The following SCEL variants were observed in gnomAD, a reference collection of about 807,000 sequenced individuals.
The protein encoded by SCEL is sciellin.
A neutral mutation model predicts 117.6 loss-of-function variants in SCEL; 113 were observed. The ratio of observed to expected loss-of-function variants is 0.96; its 90% CI spans 0.83 to 1.12. The LOEUF is 1.12. Ranked by LOEUF, SCEL falls within the 50% of genes most tolerant of loss-of-function variation. The pLI, the probability that SCEL is intolerant of heterozygous loss-of-function variation, is 0.00. For synonymous variants in SCEL, 270 were observed against 256.2 expected (o/e 1.05, Z -0.51); for missense variants, 785 against 810.8 (o/e 0.97, Z 0.39).
chr13:77,593,298 C>G (rs61965800), intron 11 of SCEL, among the ~76,000 whole-genome samples: 18,530 of 72,844 alleles, frequency 0.25, 1,349 homozygotes, highest in African/African-American at 0.31. Context: ...GTGTGTGTGT[C>G]TGTGTGTGTG....
chr13:77,621,425 C>A (rs2089413116), intron 27 of SCEL, among the ~76,000 whole-genome samples: 1 of 152,152 alleles, frequency 6.6e-6, no homozygotes, highest in Non-Finnish European at 1.5e-5. Context: ...TCTACTTATC[C>A]TTTAGGTATC....
At chr13:77,602,924 T>C in intron 17 of SCEL, 152 bp from the exon 18 acceptor site, 2 of 628,426 alleles carry the variant, frequency 3.2e-6, no homozygotes, top group Non-Finnish European at 5.3e-6. Flanking sequence ...TAAACTATGT[T>C]ATTGATTGGC....
intron 11 of SCEL, among the ~76,000 whole-genome samples, chr13:77,592,998 GACAA>G (rs954613937): frequency 2.6e-5 from 4 of 152,066 alleles, no homozygotes; most frequent in Admixed American, 2.6e-4. Context: ...AGTCTGAGAA[GACAA>G]ACATTTTCAC....
chr13:77,640,005 A>T (rs2090484615), intron 30 of SCEL, among the ~76,000 whole-genome samples: 1 of 152,122 alleles, frequency 6.6e-6, no homozygotes, highest in Admixed American at 6.5e-5. Context: ...ATTTTAACAA[A>T]TATTTAGTAT....
intron 9 of SCEL, among the ~76,000 whole-genome samples, chr13:77,588,244 C>G (rs2086671725): frequency 6.6e-6 from 1 of 152,120 alleles, no homozygotes; most frequent in South Asian, 2.1e-4. Context: ...CCTGACAATA[C>G]CCCAACAATC....
rs898286386 is a variant in SCEL, at chr13:77,599,321, A to G, written c.798-8A>G. On this transcript the variant is annotated splice_polypyrimidine_tract_variant and splice_region_variant and intron_variant, in intron 13 of 32. Coordinates refer to ENST00000349847, the MANE Select transcript of SCEL (RefSeq NM_144777.3). Reference sequence around the variant, plus strand: ...TGATGAGGCTTTTTTAAATCAATACATTTAAAGGAATCAAGGTCTTGATAG... The same window carrying G: ...TGATGAGGCTTTTTTAAATCAATACGTTTAAAGGAATCAAGGTCTTGATAG... The G allele has an allele frequency of 1.5e-5, 24 of 1,606,088 alleles. No homozygotes were observed. The highest frequency in any genetic ancestry group is 2.0e-5 in the Non-Finnish European group (23 of 1,174,566).
chr13:77,565,082 A>C (rs910610195), intron 5 of SCEL, among the ~76,000 whole-genome samples: 2 of 152,134 alleles, frequency 1.3e-5, no homozygotes, highest in East Asian at 1.9e-4. Context: ...GATAATTGAG[A>C]CTCAAGTAAG....
At chr13:77,617,165 TGG>T in intron 24 of SCEL, among the ~76,000 whole-genome samples, 1 of 152,284 alleles carries the variant, frequency 6.6e-6, no homozygotes, top group East Asian at 1.9e-4. Context: ...ACAATTTTGA[TGG>T]ATTGCTGGAC....
At chr13:77,599,924 GACCCTGGGC>G in intron 15 of SCEL, 176 bp downstream of exon 15, 1 of 574,614 alleles carries the variant, frequency 1.7e-6, no homozygotes, top group Non-Finnish European at 3.1e-6. Flanking sequence ...CAATCTGGGT[GACCCTGGGC>G]AAGTTGTGTA....
chr13:77,600,956 T>C (rs1178629980), intron 15 of SCEL, among the ~76,000 whole-genome samples: 2 of 152,214 alleles, frequency 1.3e-5, no homozygotes, highest in African/African-American at 4.8e-5. Context: ...TCTTAACCCT[T>C]TATGATGTAG....
intron 15 of SCEL, 126 bp downstream of exon 15, chr13:77,599,874 G>A (rs2087532001): frequency 1.5e-6 from 1 of 688,230 alleles, no homozygotes; most frequent in Non-Finnish European, 2.6e-6. Flanking sequence ...CTGGGGTCCA[G>A]GGATAGTGTG....
In SCEL at chr13:77,624,772, G is replaced by A. The variant is rs185310365; in HGVS notation, c.1629-3175G>A. Among the ~76,000 whole-genome samples the A allele has an allele frequency of 1.5e-4, 23 of 152,240 alleles. No individual in the cohort carries two copies. In the East Asian group the frequency reaches 4.3e-3, roughly 28 times the overall value. On this transcript the variant is annotated intron_variant, in intron 27 of 32. Coordinates refer to ENST00000349847, the MANE Select transcript of SCEL (RefSeq NM_144777.3). ...GGTCTTTTTTCCACATGGATATGGT[G>A]GACACTATGTCCCTAGATATAGACA...
At chr13:77,612,456 CTTTTTTTTTTTTTT>C (rs71102764) in intron 22 of SCEL, among the ~76,000 whole-genome samples, 1 of 93,544 alleles carries the variant, frequency 1.1e-5, no homozygotes, top group African/African-American at 3.5e-5. Flanking sequence ...TTTTTCTTTT[CTTTTTTTTTTTTTT>C]TTTTTTTTTT....
At chr13:77,575,042 C>T (rs1307536865) in intron 9 of SCEL, among the ~76,000 whole-genome samples, 1 of 152,322 alleles carries the variant, frequency 6.6e-6, no homozygotes, top group Middle Eastern at 3.4e-3. Flanking sequence ...TCAAACTTCC[C>T]TGTCATCCAG....
chr13:77,616,742 CTTT>C (rs35205050), intron 24 of SCEL, among the ~76,000 whole-genome samples: 57 of 133,552 alleles, frequency 4.3e-4, no homozygotes, highest in African/African-American at 1.1e-3. Flanking sequence ...AACTTGCATC[CTTT>C]TTTTTTTTTT....
At chr13:77,613,384 A>G (rs1416765931) in intron 23 of SCEL, among the ~76,000 whole-genome samples, 1 of 152,210 alleles carries the variant, frequency 6.6e-6, no homozygotes, top group East Asian at 1.9e-4. Flanking sequence ...ATGACATTGA[A>G]TTTACTTCTG....
At chr13:77,558,616 C>G (rs1167376165) in intron 3 of SCEL, among the ~76,000 whole-genome samples, 4 of 151,754 alleles carry the variant, frequency 2.6e-5, no homozygotes, top group Non-Finnish European at 5.9e-5. Context: ...GAGTTTGAGA[C>G]CAGCCTGGCC....
intron 9 of SCEL, among the ~76,000 whole-genome samples, chr13:77,588,576 T>C (rs73227367): frequency 0.13 from 20,241 of 152,156 alleles, 1,416 homozygotes; most frequent in Non-Finnish European, 0.15. Context: ...CAGAGACTGC[T>C]GTGGTGCTTC....
At position 77,599,724 on chromosome 13, in the gene SCEL, C is replaced by T. The variant is rs752759339; in HGVS notation, c.893C>T (p.Thr298Ile). Reference sequence around the variant, plus strand: ...CTTGAAAGTCTCATCTATATGAGTACCCGGACAGATAAAGATGGCAAAGGG... The same window carrying T: ...CTTGAAAGTCTCATCTATATGAGTATCCGGACAGATAAAGATGGCAAAGGG... ...KSLESLIYMSTRTDKDGKGIQ... is the reference protein window; with the variant it reads ...KSLESLIYMSIRTDKDGKGIQ... Residue 298 changes from threonine (T) to isoleucine (I), a missense_variant, in exon 15 of 33, where the codon ACC becomes ATC. Physicochemically the swap from Thr to Ile is moderately conservative, Grantham distance 89. Coordinates refer to ENST00000349847, the MANE Select transcript of SCEL (RefSeq NM_144777.3). The T allele has an allele frequency of 5.0e-6, 8 of 1,611,710 alleles. No individual in the cohort carries two copies. The highest frequency in any genetic ancestry group is 1.1e-5 in the South Asian group (1 of 91,046).
Sources: allele counts gnomAD v4.1 joint callset (sites outside exome capture counted in the v4.1 genomes callset), GRCh38; gene constraint gnomAD v4.1.1; transcripts MANE v1.5; gene names NCBI Gene and HGNC (gene_info 2026-07-23, HGNC 2026-07-21).